Variants in GTF2F2 observed in about 807,000 individuals in gnomAD.
GTF2F2 encodes the protein general transcription factor IIF subunit 2.
Under a neutral mutation model 42.2 loss-of-function variants are expected in GTF2F2, and 23 were observed. That is an observed-to-expected ratio of 0.55 (90% CI 0.39 to 0.77). The LOEUF is 0.77. GTF2F2 is among the 30% of genes least tolerant of loss of function. GTF2F2 has a pLI of 0.00. For missense variants in GTF2F2, 261 were observed against 287.2 expected, an observed-to-expected ratio of 0.91 and a Z score of 0.66; for synonymous variants, 105 against 100.8, an observed-to-expected ratio of 1.04 and a Z score of -0.25.
At chr13:45,249,249 G>T (rs1056321790) in intron 5 of GTF2F2, among the ~76,000 whole-genome samples, 4 of 152,056 alleles carry the variant, frequency 2.6e-5, no homozygotes, top group African/African-American at 9.7e-5. Flanking sequence ...TTAGTTCTTT[G>T]TTATATTTTC....
At chr13:45,264,663 T>C (rs1197915650) in intron 6 of GTF2F2, among the ~76,000 whole-genome samples, 1 of 152,220 alleles carries the variant, frequency 6.6e-6, no homozygotes. Context: ...CTTACTCTTA[T>C]CCCTAGTGTT....
rs1021995896 is a variant in GTF2F2, at chr13:45,228,266, T to C, written c.386+20761T>C. ...TGCTTATCCTGCCTCATTTTCCTTA[T>C]TGCTGCCAGAGTTAATCTTTTTTTT... On this transcript the variant is annotated intron_variant, in intron 5 of 7. Coordinates refer to ENST00000340473, the MANE Select transcript of GTF2F2 (RefSeq NM_004128.3). Among the ~76,000 whole-genome samples the C allele has an allele frequency of 4.7e-5, 7 of 147,650 alleles. No individual in the cohort carries two copies. The South Asian group carries it at 1.3e-3, about 27-fold the overall frequency.
At chr13:45,243,019 T>A (rs971227004) in intron 5 of GTF2F2, among the ~76,000 whole-genome samples, 9 of 152,236 alleles carry the variant, frequency 5.9e-5, no homozygotes, top group African/African-American at 1.9e-4. Context: ...ATATACACAG[T>A]AATTTGCAAA....
At chr13:45,179,133 G>T (rs1353765792) in intron 4 of GTF2F2, among the ~76,000 whole-genome samples, 1 of 152,222 alleles carries the variant, frequency 6.6e-6, no homozygotes, top group African/African-American at 2.4e-5. Flanking sequence ...GTTGGTCACA[G>T]CAAGTCACAG....
chr13:45,211,137 A>T (rs1873613797), intron 5 of GTF2F2, among the ~76,000 whole-genome samples: 2 of 152,122 alleles, frequency 1.3e-5, no homozygotes, highest in Non-Finnish European at 2.9e-5. Flanking sequence ...TGTGCATTGC[A>T]AGGAAAGTTT....
chr13:45,171,055 G>A (rs1043029784), intron 4 of GTF2F2, among the ~76,000 whole-genome samples: 1 of 149,414 alleles, frequency 6.7e-6, no homozygotes, highest in African/African-American at 2.5e-5. Flanking sequence ...AAATGCTACT[G>A]CCTAAAACCC....
chr13:45,246,173 T>G (rs1875599399), intron 5 of GTF2F2, among the ~76,000 whole-genome samples: 1 of 151,108 alleles, frequency 6.6e-6, no homozygotes, highest in African/African-American at 2.4e-5. Context: ...CATGCCCGGC[T>G]AATTTTTTGT....
chr13:45,218,723 A>T (rs1242297810), intron 5 of GTF2F2, among the ~76,000 whole-genome samples: 1 of 152,230 alleles, frequency 6.6e-6, no homozygotes, highest in East Asian at 1.9e-4. Flanking sequence ...AAAGGGTCTC[A>T]TTTAGGGAAT....
intron 1 of GTF2F2, among the ~76,000 whole-genome samples, chr13:45,135,706 T>C (rs1441279693): frequency 6.6e-6 from 1 of 152,214 alleles, no homozygotes; most frequent in African/African-American, 2.4e-5. Flanking sequence ...TTTTTGCACA[T>C]GAAGTACTGC....
chr13:45,211,973 A>G (rs989391678), intron 5 of GTF2F2, among the ~76,000 whole-genome samples: 6 of 148,310 alleles, frequency 4.0e-5, no homozygotes, highest in Non-Finnish European at 7.4e-5. Context: ...ACACACACGC[A>G]CACACACACC....
At chr13:45,278,980 C>T (rs143037930) in intron 7 of GTF2F2, among the ~76,000 whole-genome samples, 18 of 152,012 alleles carry the variant, frequency 1.2e-4, no homozygotes, top group African/African-American at 3.4e-4. Flanking sequence ...CCTGCCACCA[C>T]GCCCAGCTAA....
intron 5 of GTF2F2, among the ~76,000 whole-genome samples, chr13:45,215,531 G>T (rs181871946): frequency 3.2e-3 from 487 of 152,116 alleles, no homozygotes; most frequent in Non-Finnish European, 5.6e-3. Flanking sequence ...AGGCTGAGGC[G>T]AGTGGATCAC....
chr13:45,214,999 CT>C (rs760161034), intron 5 of GTF2F2, among the ~76,000 whole-genome samples: 114 of 152,072 alleles, frequency 7.5e-4, no homozygotes, highest in Non-Finnish European at 4.1e-4. Flanking sequence ...TAAGAAAACC[CT>C]TTTCCTATAG....
At chr13:45,131,481 A>G (rs939657746) in intron 1 of GTF2F2, among the ~76,000 whole-genome samples, 4 of 152,192 alleles carry the variant, frequency 2.6e-5, no homozygotes, top group Admixed American at 2.0e-4. Flanking sequence ...TGGAGATCCT[A>G]ATAACCCTGT....
chr13:45,171,866 C>G (rs1017713698), intron 4 of GTF2F2, among the ~76,000 whole-genome samples: 2 of 140,796 alleles, frequency 1.4e-5, no homozygotes, highest in African/African-American at 5.2e-5. Context: ...CTTTTGTGAC[C>G]TTTTTTTTTT....
intron 4 of GTF2F2, among the ~76,000 whole-genome samples, chr13:45,186,512 C>G: frequency 6.6e-6 from 1 of 151,146 alleles, no homozygotes; most frequent in Non-Finnish European, 1.5e-5. Flanking sequence ...AAGCTGGTCT[C>G]GAACTCCTGA....
chr13:45,266,161 T>C (rs1876552682), intron 6 of GTF2F2, among the ~76,000 whole-genome samples: 1 of 152,188 alleles, frequency 6.6e-6, no homozygotes, highest in African/African-American at 2.4e-5. Flanking sequence ...AACTGCAGAA[T>C]AAACATAACA....
chr13:45,207,005 A>ACACAC lies in GTF2F2; in HGVS notation c.305-419_305-418insCACAC, dbSNP rs1873440744. The ACACAC allele has an allele frequency of 3.8e-4, 53 of 139,294 alleles. No homozygotes were observed. The South Asian group carries it at 8.3e-3, about 22-fold the overall frequency. 8.6% of individuals were successfully genotyped at this position (139,294 alleles called of 1,614,324 possible). On this transcript the variant is annotated intron_variant, in intron 4 of 7. Coordinates refer to ENST00000340473, the MANE Select transcript of GTF2F2 (RefSeq NM_004128.3). ...CTTGAGAATTTTATTCACATACACA[A>ACACAC]ACACACACACACACACACACACACA...
intron 6 of GTF2F2, chr13:45,263,599 C>T (rs763115650): frequency 5.3e-5 from 8 of 152,106 alleles, no homozygotes; most frequent in Non-Finnish European, 1.2e-4. Context: ...ACTATGCTTC[C>T]AGGTGGCTAT....
Sources: gnomAD v4.1 joint callset for allele counts (sites outside exome capture counted in the v4.1 genomes callset) on GRCh38, gnomAD v4.1.1 for gene constraint, MANE v1.5 for transcripts, NCBI Gene and HGNC (gene_info 2026-07-23, HGNC 2026-07-21) for gene names.